Variants in MTUS2 observed in about 807,000 individuals in gnomAD.
MTUS2 encodes microtubule-associated tumor suppressor candidate 2.
In MTUS2, 40 loss-of-function variants were observed where a neutral mutation model predicts 114.1. The observed-to-expected ratio is 0.35, with a 90% CI of 0.27 to 0.46. The LOEUF is 0.46. Among genes scored for constraint, MTUS2 ranks in the 20% least tolerant of loss-of-function variants. MTUS2 has a pLI of 1.00. For missense variants in MTUS2, 1,679 were observed against 1,705.4 expected (o/e 0.98, Z 0.27); for synonymous variants, 688 against 672.0 (o/e 1.02, Z -0.37).
chr13:29,180,670 A>AG (rs1893961207), intron 5 of MTUS2, among the ~76,000 whole-genome samples: 1 of 152,182 alleles, frequency 6.6e-6, no homozygotes, highest in Non-Finnish European at 1.5e-5. Flanking sequence ...GTCACAGGTC[A>AG]CTGGCTAGGC....
chr13:29,115,598 A>G (rs769202907), intron 5 of MTUS2, among the ~76,000 whole-genome samples: 4 of 152,230 alleles, frequency 2.6e-5, no homozygotes, highest in Non-Finnish European at 5.9e-5. Flanking sequence ...TATTGTAAAG[A>G]TTGTATGCAT....
chr13:29,256,538 C>T (rs768206164), intron 5 of MTUS2, among the ~76,000 whole-genome samples: 1 of 152,248 alleles, frequency 6.6e-6, no homozygotes, highest in Non-Finnish European at 1.5e-5. Context: ...GTCACACTTT[C>T]ATGTCCTAAA....
chr13:29,360,720 A>G (rs1210332054), intron 8 of MTUS2, among the ~76,000 whole-genome samples: 2 of 131,024 alleles, frequency 1.5e-5, no homozygotes, highest in Non-Finnish European at 3.2e-5. Context: ...TAAAGTTACA[A>G]ACACGTCTTC....
intron 5 of MTUS2, among the ~76,000 whole-genome samples, chr13:29,171,766 C>T (rs1411419689): frequency 6.6e-6 from 1 of 152,218 alleles, no homozygotes; most frequent in Non-Finnish European, 1.5e-5. Flanking sequence ...TCTCTACCAA[C>T]TGTAGTTCAA....
intron 1 of MTUS2, among the ~76,000 whole-genome samples, chr13:28,829,446 C>T (rs780722358): frequency 6.6e-5 from 10 of 151,822 alleles, no homozygotes; most frequent in Admixed American, 2.0e-4. Context: ...GCAGGAGAAT[C>T]GCTTGAACCC....
At chr13:28,922,358 G>A (rs775575248) in intron 2 of MTUS2, among the ~76,000 whole-genome samples, 22 of 152,168 alleles carry the variant, frequency 1.4e-4, no homozygotes, top group Non-Finnish European at 2.9e-4. Flanking sequence ...GCCCTGCCGA[G>A]GCCACTGGCT....
intron 2 of MTUS2, among the ~76,000 whole-genome samples, chr13:28,952,164 T>A (rs1882842460): frequency 6.6e-6 from 1 of 152,236 alleles, no homozygotes; most frequent in Non-Finnish European, 1.5e-5. Context: ...TAATATATAT[T>A]TGCTTTACTA....
At chr13:29,042,411 A>G (rs1406501818) in intron 4 of MTUS2, among the ~76,000 whole-genome samples, 1 of 151,954 alleles carries the variant, frequency 6.6e-6, no homozygotes, top group African/African-American at 2.4e-5. Flanking sequence ...CATCAGGGAG[A>G]TTGGTCTGTA....
At chr13:29,144,488 C>T (rs773817447) in intron 5 of MTUS2, among the ~76,000 whole-genome samples, 23 of 152,038 alleles carry the variant, frequency 1.5e-4, no homozygotes, top group Non-Finnish European at 2.8e-4. Flanking sequence ...CTCAGCCTTC[C>T]AGTTTGCTTG....
intron 2 of MTUS2, among the ~76,000 whole-genome samples, chr13:29,023,246 G>A (rs1479360809): frequency 2.0e-5 from 3 of 152,228 alleles, no homozygotes; most frequent in African/African-American, 7.2e-5. Flanking sequence ...GCTGCAGCCT[G>A]CAGAGCAGAG....
chr13:28,982,254 T>TG (rs1884391067), intron 2 of MTUS2, among the ~76,000 whole-genome samples: 1 of 151,198 alleles, frequency 6.6e-6, no homozygotes, highest in Admixed American at 6.6e-5. Flanking sequence ...AGAGTCAAAA[T>TG]CAGAAGAATG....
At chr13:28,954,935 C>T (rs1046500145) in intron 2 of MTUS2, among the ~76,000 whole-genome samples, 5 of 152,196 alleles carry the variant, frequency 3.3e-5, no homozygotes, top group South Asian at 2.1e-4. Flanking sequence ...GTTGACTGCC[C>T]CCAGACAGTT....
At chr13:29,431,873 C>G (rs1413425674) in intron 8 of MTUS2, among the ~76,000 whole-genome samples, 1 of 152,028 alleles carries the variant, frequency 6.6e-6, no homozygotes, top group African/African-American at 2.4e-5. Context: ...GAGATAGGGT[C>G]TCCCTCTGTC....
At chr13:29,042,356 G>T (rs1423778641) in intron 4 of MTUS2, among the ~76,000 whole-genome samples, 1 of 152,102 alleles carries the variant, frequency 6.6e-6, no homozygotes, top group Admixed American at 6.6e-5. Context: ...TATGCTGTTT[G>T]ATTCCATTAG....
intron 6 of MTUS2, among the ~76,000 whole-genome samples, chr13:29,310,682 A>T (rs1292404818): frequency 6.6e-6 from 1 of 152,258 alleles, no homozygotes; most frequent in Non-Finnish European, 1.5e-5. Flanking sequence ...TGCAATTCAA[A>T]TCACAGCGAG....
chr13:28,959,979 A>G (rs1305158281), intron 2 of MTUS2, among the ~76,000 whole-genome samples: 1 of 152,246 alleles, frequency 6.6e-6, no homozygotes, highest in Admixed American at 6.5e-5. Context: ...CCAGTTTTCA[A>G]TAAAGAAGAA....
intron 2 of MTUS2, among the ~76,000 whole-genome samples, chr13:28,975,904 G>A (rs1566264466): frequency 6.6e-6 from 1 of 152,168 alleles, no homozygotes; most frequent in South Asian, 2.1e-4. Context: ...GGAGCGTACA[G>A]TGGAGGAGAT....
intron 2 of MTUS2, among the ~76,000 whole-genome samples, chr13:28,945,065 A>C (rs1190963688): frequency 6.6e-6 from 1 of 152,174 alleles, no homozygotes; most frequent in Admixed American, 6.5e-5. Flanking sequence ...GTGGTGAGAA[A>C]TGCAGTATTT....
chr13:29,490,980 T>C (rs533985980), intron 11 of MTUS2, among the ~76,000 whole-genome samples: 60 of 109,098 alleles, frequency 5.5e-4, no homozygotes, highest in African/African-American at 1.7e-3. Flanking sequence ...AATGTAGAAG[T>C]GTGGATGTGT....
Sources: allele counts gnomAD v4.1 joint callset (sites outside exome capture counted in the v4.1 genomes callset), GRCh38; gene constraint gnomAD v4.1.1; transcripts MANE v1.5; gene names NCBI Gene and HGNC (gene_info 2026-07-23, HGNC 2026-07-21).